TMPRSS9: variants seen among roughly 807,000 people sequenced by gnomAD.
TMPRSS9 encodes the protein transmembrane serine protease 9.
TMPRSS9 carries 113 observed loss-of-function variants against 111.4 expected under a neutral mutation model. The ratio of observed to expected loss-of-function variants is 1.01; its 90% CI spans 0.87 to 1.19. The LOEUF is 1.19. TMPRSS9 is among the 50% of genes most tolerant of loss of function. The pLI is 0.00. For missense variants in TMPRSS9, 1,803 were observed against 1,513.1 expected (o/e 1.19, Z -3.18); for synonymous variants, 805 against 659.1 (o/e 1.22, Z -3.39).
chr19:2,405,250 G>T, intron 6 of TMPRSS9, 124 bp from the exon 8 acceptor site: 1 of 1,318,322 alleles, frequency 7.6e-7, no homozygotes, highest in African/African-American at 1.5e-5. Flanking sequence ...AGCCAAGGAG[G>T]GGCCCCCAAG....
upstream of TMPRSS9, among the ~76,000 whole-genome samples, chr19:2,389,606 C>G (rs2396235): frequency 0.57 from 86,672 of 150,978 alleles, 25,766 homozygotes; most frequent in Middle Eastern, 0.68. Context: ...GACCTCAAAT[C>G]GTCCTCCTGC....
chr19:2,363,627 TG>T (rs1970221417), intron 1 of TMPRSS9, among the ~76,000 whole-genome samples: 1 of 151,232 alleles, frequency 6.6e-6, no homozygotes, highest in Non-Finnish European at 1.5e-5. Flanking sequence ...GACTGGACCC[TG>T]GGTGCCGACA....
At position 2,404,931 on chromosome 19, in the gene TMPRSS9, CAAA is replaced by C. The variant is rs1044091377; in HGVS notation, c.671-427_671-425del. On this transcript the variant is annotated intron_variant, in intron 6 of 17. Coordinates refer to ENST00000648592, the Ensembl canonical transcript of TMPRSS9. ...TGGACAACAGAGCGAGACTCCATCT[CAAA>C]AAAAAAAAAAAAAAATCAAAGACTA... Among the ~76,000 whole-genome samples the C allele has an allele frequency of 9.6e-4, 74 of 76,786 alleles. No homozygotes were observed. In the South Asian group the frequency reaches 0.012, roughly 12 times the overall value. The allele number at this position is 76,786 out of a possible 152,430, so 50.4% of individuals were successfully genotyped here.
At position 2,424,960 on chromosome 19, in the gene TMPRSS9, C is replaced by T. The variant is rs779023381; in HGVS notation, c.2718-42C>T. ...ACACCACAGGGGCGGGGGCCGGGGG[C>T]GTGGGGGCTCGGGCCGACGCCTGTC... On this transcript the variant is annotated intron_variant, in intron 15 of 17. Transcript: ENST00000648592. 30 of 1,426,716 alleles carry T rather than the reference C, an allele frequency of 2.1e-5. No individual in the cohort carries two copies. In the East Asian group the frequency reaches 7.6e-4, roughly 36 times the overall value. 88.4% of individuals were successfully genotyped at this position (1,426,716 alleles called of 1,614,324 possible). A position where few individuals can be genotyped will look rare whatever the true frequency, so the allele number is the denominator to read the frequency against.
intron 15 of TMPRSS9, 133 bp downstream of exon 16, chr19:2,424,390 A>T: frequency 1.1e-6 from 1 of 901,428 alleles, no homozygotes; most frequent in Non-Finnish European, 1.4e-6. Flanking sequence ...CCACTGCCCC[A>T]GGCCACTCCT....
chr19:2,370,536 C>G (rs1390994128), intron 1 of TMPRSS9, among the ~76,000 whole-genome samples: 3 of 151,954 alleles, frequency 2.0e-5, no homozygotes, highest in Non-Finnish European at 4.4e-5. Flanking sequence ...CGCTATGTTC[C>G]TCAGGCTGGT....
At chr19:2,396,321 A>T (rs935781148) in intron 1 of TMPRSS9, 3 of 509,820 alleles carry the variant, frequency 5.9e-6, no homozygotes, top group Non-Finnish European at 9.9e-6. Context: ...GGTGGCTGTC[A>T]TAGAATTCGG....
chr19:2,363,828 G>C (rs931774939), intron 1 of TMPRSS9, among the ~76,000 whole-genome samples: 3 of 136,282 alleles, frequency 2.2e-5, no homozygotes, highest in African/African-American at 8.1e-5. Flanking sequence ...GTGTGTGAGA[G>C]AGAGAGAGAG....
At chr19:2,371,413 G>A (rs978921153) in intron 1 of TMPRSS9, among the ~76,000 whole-genome samples, 3 of 152,308 alleles carry the variant, frequency 2.0e-5, no homozygotes, top group East Asian at 3.9e-4. Flanking sequence ...GCTGCCGGGC[G>A]CAGCGGCTCA....
At position 2,362,220 on chromosome 19, in the gene TMPRSS9, G is replaced by A. The variant is rs111933457; in HGVS notation, c.-26+1860G>A. Among the ~76,000 whole-genome samples the A allele has an allele frequency of 7.2e-3, 1,092 of 152,080 alleles. 12 individuals carry two copies. Among genetic ancestry groups the A allele is most frequent in the African/African-American group, 0.024 (1,005 of 41,472 alleles). Reference sequence around the variant, plus strand: ...TGTATGGTTGTGTAATTGTGTGGTCGGGTGGGATCGTATATGGTTGTGTGT... The same window carrying A: ...TGTATGGTTGTGTAATTGTGTGGTCAGGTGGGATCGTATATGGTTGTGTGT... On this transcript the variant is annotated intron_variant, in intron 1 of 17. Transcript: ENST00000649857.
chr19:2,374,413 A>G (rs550398821), intron 1 of TMPRSS9, among the ~76,000 whole-genome samples: 1 of 151,628 alleles, frequency 6.6e-6, no homozygotes, highest in South Asian at 2.1e-4. Flanking sequence ...TCTCTACTAA[A>G]AAATACAAAA....
chr19:2,425,892 C>G, intron 17 of TMPRSS9, 35 bp from the exon 19 acceptor site: 2 of 1,555,292 alleles, frequency 1.3e-6, no homozygotes, highest in Admixed American at 2.1e-5. Context: ...GGGGAGGTAC[C>G]GGCCTCTGAA....
chr19:2,408,643 C>T lies in TMPRSS9; in HGVS notation c.1117+13C>T, dbSNP rs776475593. The T allele has an allele frequency of 1.2e-6, 2 of 1,603,936 alleles. No homozygotes were observed. Among genetic ancestry groups the T allele is most frequent in the South Asian group, 2.2e-5 (2 of 90,706 alleles). On this transcript the variant is annotated intron_variant, in intron 8 of 17. Transcript: ENST00000648592. ...AAGGAGGACTTCCGTAAGCATCTTC[C>T]TCGGCCTGCAAGTGAGCTCAGGCAG...
chr19:2,401,958 T>C lies in TMPRSS9; in HGVS notation c.515-17T>C, dbSNP rs199843422. The C allele has an allele frequency of 4.5e-5, 72 of 1,608,938 alleles. No homozygotes were observed. Among genetic ancestry groups the C allele is most frequent in the Non-Finnish European group, 5.9e-5 (70 of 1,176,934 alleles). On this transcript the variant is annotated splice_polypyrimidine_tract_variant and intron_variant, in intron 4 of 17. Coordinates refer to ENST00000648592, the Ensembl canonical transcript of TMPRSS9. ...CCGCTTATTCAGTGAGCTTCTATCT[T>C]CTCTGTTTTGTTGCAGGGAGACATA...
exon 15 of TMPRSS9, chr19:2,424,090 C>T (rs1971533038): frequency 1.5e-6 from 2 of 1,292,396 alleles, no homozygotes; most frequent in Non-Finnish European, 2.0e-6. Flanking sequence ...CCCCCGCAGA[C>T]TGTGGCCTGG....
chr19:2,425,733 CACCGTTCCACTCCGGG>C, intron 17 of TMPRSS9, 178 bp from the exon 19 acceptor site: 2 of 1,129,120 alleles, frequency 1.8e-6, no homozygotes, highest in Non-Finnish European at 2.4e-6. Context: ...CAGTGGGAGG[CACCGTTCCACTCCGGG>C]ACCACGTGGC....
intron 1 of TMPRSS9, among the ~76,000 whole-genome samples, chr19:2,377,503 C>T (rs1482179789): frequency 2.1e-5 from 1 of 46,534 alleles, no homozygotes; most frequent in African/African-American, 1.4e-4. Context: ...CCCCTCTCCC[C>T]TTCCCCCTCC....
upstream of TMPRSS9, chr19:2,389,703 G>A (rs1970545230): frequency 6.7e-7 from 1 of 1,495,832 alleles, no homozygotes; most frequent in African/African-American, 1.4e-5. Context: ...TTGCTTATGG[G>A]AAGAGAAGCA....
chr19:2,414,010 A>C (rs1971163383), exon 10 of TMPRSS9: 5 of 1,584,708 alleles, frequency 3.2e-6, no homozygotes, highest in Non-Finnish European at 4.3e-6. Context: ...ACCGTTCCTA[A>C]GCTACAAGGT....
Sources: gnomAD v4.1 joint callset for allele counts (sites outside exome capture counted in the v4.1 genomes callset) on GRCh38, gnomAD v4.1.1 for gene constraint, MANE v1.5 for transcripts, NCBI Gene and HGNC (gene_info 2026-07-23, HGNC 2026-07-21) for gene names.